SCNN1A: variants seen among roughly 807,000 people sequenced by gnomAD.
SCNN1A encodes the protein epithelial sodium channel subunit alpha.
Under a neutral mutation model 68.6 loss-of-function variants are expected in SCNN1A, and 65 were observed. The observed-to-expected ratio is 0.95, with a 90% CI of 0.78 to 1.16. The LOEUF is 1.16. Among genes scored for constraint, SCNN1A ranks in the 50% most tolerant of loss-of-function variants. The probability of loss-of-function intolerance (pLI) is 0.00; values close to 1 mark genes in which losing one functional copy is unlikely to be tolerated. For missense variants in SCNN1A, 880 were observed against 865.9 expected (o/e 1.02, Z -0.20); for synonymous variants, 357 against 353.3 (o/e 1.01, Z -0.12).
chr12:6,375,928 A>T, upstream of SCNN1A: 1 of 1,055,874 alleles, frequency 9.5e-7, no homozygotes, highest in Non-Finnish European at 1.1e-6. Flanking sequence ...GGACAGAGAG[A>T]TAGGGATGGA....
In SCNN1A at chr12:6,348,027, G is replaced by A. The variant is rs775445715; in HGVS notation, c.1856C>T (p.Pro619Leu). The A allele has an allele frequency of 1.2e-6, 2 of 1,601,490 alleles. No individual in the cohort carries two copies. The highest frequency in any genetic ancestry group is 8.5e-7 in the Non-Finnish European group (1 of 1,173,930). Residue 619 changes from proline to leucine, a missense_variant, in exon 13 of 13, where the codon CCC (proline) becomes CTC (leucine). Physicochemically the swap from Pro to Leu is moderately conservative, Grantham distance 98 (BLOSUM62 -3). This residue lies in a region of SCNN1A where 758 missense variants were observed against 721.8 expected (regional missense o/e 1.05). Coordinates refer to ENST00000228916, the MANE Select transcript of SCNN1A (RefSeq NM_001038.6). ...LASSPPSHFC[P>L]HPMSLSLSQP... ...GGACAAGGACAGAGACATGGGGTGG[G>A]GGCAGAAGTGGGAAGGAGGGGAGGA...
intron 2 of SCNN1A, among the ~76,000 whole-genome samples, chr12:6,368,872 C>T (rs2136898508): frequency 6.6e-6 from 1 of 152,264 alleles, no homozygotes; most frequent in Non-Finnish European, 1.5e-5. Context: ...GTCTGAGTTC[C>T]TTATCTGTAA....
chr12:6,367,726 A>G (rs7963228), intron 2 of SCNN1A, among the ~76,000 whole-genome samples: 62,244 of 151,984 alleles, frequency 0.41, 12,952 homozygotes, highest in Admixed American at 0.53. Context: ...TTGTACATCA[A>G]TTATGCCTCA....
At chr12:6,360,355 G>A (rs1948562749) in intron 4 of SCNN1A, among the ~76,000 whole-genome samples, 1 of 152,098 alleles carries the variant, frequency 6.6e-6, no homozygotes. Flanking sequence ...GGAGGGCATC[G>A]GGTGAGGGCA....
At chr12:6,358,719 G>A (rs542398350) in intron 4 of SCNN1A, among the ~76,000 whole-genome samples, 1 of 152,002 alleles carries the variant, frequency 6.6e-6, no homozygotes, top group Non-Finnish European at 1.5e-5. Flanking sequence ...AATTAGCTGG[G>A]CATGGTGGCA....
chr12:6,348,822 G>A lies in SCNN1A; in HGVS notation c.1554-20C>T, dbSNP rs374266000. ...CCATTTCTTAGGTGTGGGGCAGAGG[G>A]TGGGAAGAAATGGTAGAGGATGAAT... On this transcript the variant is annotated intron_variant, in intron 11 of 12. Coordinates refer to ENST00000228916, the MANE Select transcript of SCNN1A (RefSeq NM_001038.6). 49 of 1,612,080 alleles carry A rather than the reference G, an allele frequency of 3.0e-5. No individual in the cohort carries two copies. The highest frequency in any genetic ancestry group is 1.7e-4 in the Middle Eastern group (1 of 6,060).
chr12:6,351,544 T>C lies in SCNN1A; in HGVS notation c.1361-2139A>G, dbSNP rs980716140. 1.3e-5 allele frequency among the ~76,000 whole-genome samples: 2 copies of C among 151,766 alleles called. No individual in the cohort carries two copies. The highest frequency in any genetic ancestry group is 2.9e-5 in the Non-Finnish European group (2 of 67,956). On this transcript the variant is annotated intron_variant, in intron 8 of 12. Transcript: ENST00000228916. The surrounding 1 kb of genome is among the most constrained non-coding windows in gnomAD (Gnocchi z 4.2). ...CGGGAAGCTGAGACAGGAGAATTGC[T>C]TGAACCTGAGAGGCAGAGGTAGCAG... is the stretch of plus-strand genomic sequence containing the variant.
chr12:6,375,727 G>A (rs372410235), upstream of SCNN1A: 559 of 1,422,870 alleles, frequency 3.9e-4, 1 homozygote, highest in African/African-American at 6.6e-4. Context: ...GGCTTTAGAC[G>A]CAGACAGGCA....
chr12:6,353,567 A>G (rs1347217874), intron 8 of SCNN1A: 2 of 150,520 alleles, frequency 1.3e-5, no homozygotes, highest in Non-Finnish European at 3.0e-5. Flanking sequence ...GGTTGTTTTT[A>G]TTTTTATTTT....
chr12:6,361,989 G>A lies in SCNN1A; in HGVS notation c.875+62C>T, dbSNP rs1267895319. 9 of 1,558,320 alleles carry A rather than the reference G, an allele frequency of 5.8e-6. No individual in the cohort carries two copies. The East Asian group carries it at 6.7e-5, about 12-fold the overall frequency. On this transcript the variant is annotated intron_variant, in intron 4 of 12. Transcript: ENST00000228916. ...TTCCTGGGCCCTGCCCATGCAGGGC[G>A]TGAGGCTGACCCAGGGAAGCGGACC...
chr12:6,354,099 C>T (rs548818958), intron 8 of SCNN1A, among the ~76,000 whole-genome samples: 8 of 151,768 alleles, frequency 5.3e-5, no homozygotes, highest in East Asian at 4.0e-4. Flanking sequence ...GGCGTGGTGG[C>T]GGGTGCCTGT....
intron 2 of SCNN1A, among the ~76,000 whole-genome samples, chr12:6,373,376 T>A (rs1231857563): frequency 6.6e-6 from 1 of 152,194 alleles, no homozygotes; most frequent in East Asian, 1.9e-4. Flanking sequence ...TGTGCCACAG[T>A]TACTGGCTTA....
At chr12:6,364,632 G>A (rs1172496179) in intron 2 of SCNN1A, among the ~76,000 whole-genome samples, 1 of 151,970 alleles carries the variant, frequency 6.6e-6, no homozygotes, top group African/African-American at 2.4e-5. Flanking sequence ...CTTGGTGGCG[G>A]GCGCCTGTAG....
upstream of SCNN1A, chr12:6,375,985 G>A (rs1413307224): frequency 3.2e-6 from 3 of 929,602 alleles, no homozygotes; most frequent in Non-Finnish European, 3.8e-6. Flanking sequence ...AGTGGTGGGG[G>A]CAAATAGAAG....
At chr12:6,371,256 T>C (rs1465302250) in intron 2 of SCNN1A, among the ~76,000 whole-genome samples, 3 of 151,780 alleles carry the variant, frequency 2.0e-5, no homozygotes. Context: ...GGTGATTCAC[T>C]CACAGGGGCT....
At chr12:6,352,261 T>A (rs1025013417) in intron 8 of SCNN1A, among the ~76,000 whole-genome samples, 5 of 151,612 alleles carry the variant, frequency 3.3e-5, no homozygotes, top group Non-Finnish European at 5.9e-5. Context: ...ATAATGGAAC[T>A]GTAGATTCAC....
At chr12:6,368,460 C>T (rs560632790) in intron 2 of SCNN1A, among the ~76,000 whole-genome samples, 1 of 152,282 alleles carries the variant, frequency 6.6e-6, no homozygotes, top group East Asian at 1.9e-4. Flanking sequence ...AGTTAGGTGG[C>T]AGTTCACTAT....
At chr12:6,352,047 G>A (rs547415715) in intron 8 of SCNN1A, among the ~76,000 whole-genome samples, 1 of 152,234 alleles carries the variant, frequency 6.6e-6, no homozygotes, top group Non-Finnish European at 1.5e-5. Flanking sequence ...CACTGTGCCT[G>A]GCTTGAGTGA....
intron 8 of SCNN1A, chr12:6,353,659 A>T (rs189914641): frequency 1.3e-5 from 1 of 75,342 alleles, no homozygotes. Flanking sequence ...GCGTGATCTC[A>T]GCTCACTGCA....
Sources: allele counts gnomAD v4.1 joint callset (sites outside exome capture counted in the v4.1 genomes callset), GRCh38; gene constraint gnomAD v4.1.1; regional missense constraint gnomAD v4.1.1; non-coding constraint Gnocchi (gnomAD v3.1); transcripts MANE v1.5; gene names NCBI Gene and HGNC (gene_info 2026-07-23, HGNC 2026-07-21).